ELMO2: variants seen among roughly 807,000 people sequenced by gnomAD.
The protein encoded by ELMO2 is engulfment and cell motility protein 2.
Under a neutral mutation model 96.2 loss-of-function variants are expected in ELMO2, and 37 were observed. That is an observed-to-expected ratio of 0.38 (90% CI 0.30 to 0.51). The LOEUF is 0.51. Among genes scored for constraint, ELMO2 ranks in the 20% least tolerant of loss-of-function variants. The pLI is 0.88. For missense variants in ELMO2, 561 were observed against 912.6 expected, an observed-to-expected ratio of 0.61 and a Z score of 4.96; for synonymous variants, 315 against 329.4, an observed-to-expected ratio of 0.96 and a Z score of 0.47.
chr20:46,379,317 A>G (rs2059915852), intron 11 of ELMO2, among the ~76,000 whole-genome samples: 1 of 151,596 alleles, frequency 6.6e-6, no homozygotes, highest in South Asian at 2.1e-4. Flanking sequence ...TTTAATTCAG[A>G]TCCTTGGCTC....
At chr20:46,379,168 A>C (rs535005724) in intron 11 of ELMO2, among the ~76,000 whole-genome samples, 4 of 151,752 alleles carry the variant, frequency 2.6e-5, no homozygotes, top group Non-Finnish European at 5.9e-5. Context: ...TAATTTTTGT[A>C]TTTTTAGTAA....
intron 4 of ELMO2, 97 bp from the exon 5 acceptor site, chr20:46,393,698 G>A (rs1401382828): frequency 1.5e-6 from 2 of 1,335,980 alleles, no homozygotes; most frequent in African/African-American, 2.9e-5. Flanking sequence ...GGGATTGGGT[G>A]GCCTATTTGG....
rs1327683331 is a variant in ELMO2 at position 46,405,977 on chromosome 20, AAC to A, written c.-126+569_-126+570del. Among the ~76,000 whole-genome samples the A allele has an allele frequency of 3.9e-5, 6 of 152,246 alleles. No individual in the cohort carries two copies. In the East Asian group the frequency reaches 1.2e-3, roughly 30 times the overall value. ...TGTGCCTGCGCAGGGCAGACCAGTT[AAC>A]ACACTGCAACTGCCCAGGCAGGAAG... On this transcript the variant is annotated intron_variant, in intron 1 of 21. Coordinates refer to ENST00000290246, the MANE Select transcript of ELMO2 (RefSeq NM_133171.5).
At chr20:46,379,375 C>A (rs2059916992) in intron 11 of ELMO2, among the ~76,000 whole-genome samples, 1 of 152,160 alleles carries the variant, frequency 6.6e-6, no homozygotes. Context: ...AGCCCTACTC[C>A]ACCCCACAGG....
chr20:46,377,050 G>A (rs914185091), intron 11 of ELMO2: 2 of 279,414 alleles, frequency 7.2e-6, no homozygotes, highest in African/African-American at 2.3e-5. Flanking sequence ...AGAGGTATCT[G>A]ACTCAGTATC....
chr20:46,392,776 G>A lies in ELMO2; in HGVS notation c.243+317C>T, dbSNP rs537006758. On this transcript the variant is annotated intron_variant, in intron 6 of 21. Transcript: ENST00000290246. ...AATTCTTGCTCATCCTTTAACATCT[G>A]AGCTAAGTGACGCCTTCTCTGGCAA... Among the ~76,000 whole-genome samples the A allele has an allele frequency of 2.6e-5, 4 of 152,252 alleles. No individual in the cohort carries two copies. The South Asian group carries it at 8.3e-4, about 32-fold the overall frequency.
chr20:46,395,998 C>T (rs1041966822), intron 2 of ELMO2, among the ~76,000 whole-genome samples: 10 of 152,256 alleles, frequency 6.6e-5, no homozygotes, highest in African/African-American at 2.4e-4. Flanking sequence ...CCAATGCTTT[C>T]CCCTTTTCCT....
chr20:46,383,192 T>C (rs758216091), intron 10 of ELMO2, among the ~76,000 whole-genome samples: 2 of 152,192 alleles, frequency 1.3e-5, no homozygotes, highest in Admixed American at 6.5e-5. Context: ...AGGAAAAAGT[T>C]TGAAGGGCCC....
In ELMO2 at chr20:46,380,381, C is replaced by T. The variant is rs1353905555; in HGVS notation, c.757-78G>A. 5.7e-6 allele frequency: 7 copies of T among 1,234,250 alleles called. No homozygotes were observed. In the East Asian group the frequency reaches 9.4e-5, roughly 17 times the overall value. 76.5% of individuals were successfully genotyped at this position (1,234,250 alleles called of 1,614,324 possible). On this transcript the variant is annotated intron_variant, in intron 10 of 21. Coordinates refer to ENST00000290246, the MANE Select transcript of ELMO2 (RefSeq NM_133171.5). Reference sequence around the variant, plus strand: ...ACTACTATCGAGAGGAAGGTGATGTCAAAATTCTGGGCCTTTTTTGCTTTC... The same window carrying T: ...ACTACTATCGAGAGGAAGGTGATGTTAAAATTCTGGGCCTTTTTTGCTTTC...
chr20:46,391,476 C>T (rs2060148715), intron 6 of ELMO2, among the ~76,000 whole-genome samples: 1 of 152,208 alleles, frequency 6.6e-6, no homozygotes. Flanking sequence ...CATACCTCCC[C>T]TCCTCTCAGA....
At chr20:46,402,011 A>G (rs1302193288) in intron 1 of ELMO2, among the ~76,000 whole-genome samples, 1 of 152,216 alleles carries the variant, frequency 6.6e-6, no homozygotes, top group Non-Finnish European at 1.5e-5. Flanking sequence ...CCACCCAATC[A>G]GAATCTGCCT....
rs1392876729 is a variant in ELMO2 at position 46,371,548 on chromosome 20, C to T, written c.1693+31G>A. On this transcript the variant is annotated intron_variant, in intron 18 of 21. Transcript: ENST00000290246. This position sits in a 1 kb window ranked among gnomAD's most constrained non-coding sequence, Gnocchi z 5.9. ...AGGGGCCATCCAGGCAGGCTCTTCCCGGCACCAAGGATTGCCCCGTCTCCT... is the reference window on the plus strand; with the variant it reads ...AGGGGCCATCCAGGCAGGCTCTTCCTGGCACCAAGGATTGCCCCGTCTCCT... The T allele has an allele frequency of 2.2e-5, 36 of 1,603,480 alleles. No homozygotes were observed. Among genetic ancestry groups the T allele is most frequent in the African/African-American group, 6.7e-5 (5 of 74,438 alleles).
At chr20:46,400,748 G>C in intron 1 of ELMO2, among the ~76,000 whole-genome samples, 1 of 152,254 alleles carries the variant, frequency 6.6e-6, no homozygotes, top group Non-Finnish European at 1.5e-5. Context: ...GCTGGGAAAA[G>C]TAGAGAAAAA....
At position 46,386,401 on chromosome 20, in the gene ELMO2, G is replaced by A. The variant is rs1359735997; in HGVS notation, c.526-126C>T. The A allele has an allele frequency of 2.3e-6, 3 of 1,306,398 alleles. No homozygotes were observed. The Admixed American group carries it at 6.8e-5, about 30-fold the overall frequency. The allele number at this position is 1,306,398 out of a possible 1,614,324, so 80.9% of individuals were successfully genotyped here. A position where few individuals can be genotyped will look rare whatever the true frequency, so the allele number is the denominator to read the frequency against. ...TTGGGCAGCTGTTGCTAGGTGGATA[G>A]TGGTATCTGGTTTACGGCTACCCTG... is the stretch of plus-strand genomic sequence containing the variant. On this transcript the variant is annotated intron_variant, in intron 8 of 21. Coordinates refer to ENST00000290246, the MANE Select transcript of ELMO2 (RefSeq NM_133171.5).
intron 3 of ELMO2, 102 bp downstream of exon 3, chr20:46,394,303 C>G: frequency 7.2e-7 from 1 of 1,382,504 alleles, no homozygotes; most frequent in Non-Finnish European, 1.0e-6. Context: ...GTTGCTCGTT[C>G]TTACTCTTGA....
At chr20:46,376,961 C>A in intron 11 of ELMO2, 1 of 436,184 alleles carries the variant, frequency 2.3e-6, no homozygotes, top group Non-Finnish European at 3.9e-6. Context: ...TGGCTAGCGG[C>A]TACAGCAATG....
In ELMO2 at chr20:46,375,782, G is replaced by C; in HGVS notation, c.816C>G (p.Ile272Met). The C allele has an allele frequency of 6.2e-7, 1 of 1,614,166 alleles. No homozygotes were observed. ...HLRSIILNHVIRGNRPIKTEM... is the reference protein window; with the variant it reads ...HLRSIILNHVMRGNRPIKTEM... ...CAGTTTTGATGGGGCGGTTCCCTCG[G>C]ATCACATGCTAGAAAAAGCACAGGC... is the stretch of plus-strand genomic sequence containing the variant. Residue 272 changes from isoleucine (I) to methionine (M), a missense_variant, in exon 12 of 22, where the codon ATC becomes ATG. Physicochemically the swap from Ile to Met is conservative, Grantham distance 10. Coordinates refer to ENST00000290246, the MANE Select transcript of ELMO2 (RefSeq NM_133171.5). The surrounding 1 kb of genome is among the most constrained non-coding windows in gnomAD (Gnocchi z 4.6).
At chr20:46,402,881 T>C (rs1323687775) in intron 1 of ELMO2, among the ~76,000 whole-genome samples, 1 of 152,238 alleles carries the variant, frequency 6.6e-6, no homozygotes, top group Non-Finnish European at 1.5e-5. Flanking sequence ...CTGGACTAGA[T>C]GTTTTTGAGC....
At chr20:46,403,753 C>T (rs2060374044) in intron 1 of ELMO2, among the ~76,000 whole-genome samples, 1 of 152,154 alleles carries the variant, frequency 6.6e-6, no homozygotes, top group South Asian at 2.1e-4. Flanking sequence ...TACAACAGTG[C>T]TGGTCACGTG....
Sources: allele counts gnomAD v4.1 joint callset (sites outside exome capture counted in the v4.1 genomes callset), GRCh38; gene constraint gnomAD v4.1.1; non-coding constraint Gnocchi (gnomAD v3.1); transcripts MANE v1.5; gene names NCBI Gene and HGNC (gene_info 2026-07-23, HGNC 2026-07-21).